Variants in COP1 observed in about 807,000 individuals in gnomAD.
COP1 encodes the protein COP1 E3 ubiquitin ligase.
A neutral mutation model predicts 101.3 loss-of-function variants in COP1; 24 were observed. The ratio of observed to expected loss-of-function variants is 0.24; its 90% confidence interval spans 0.17 to 0.33. The LOEUF is 0.33. Among genes scored for constraint, COP1 ranks in the 10% least tolerant of loss-of-function variants. COP1 has a pLI of 1.00. For missense variants in COP1, 663 were observed against 906.2 expected (o/e 0.73, Z 3.45); for synonymous variants, 347 against 341.9 (o/e 1.01, Z -0.17).
chr1:176,057,617 G>A (rs1228251453), intron 11 of COP1, among the ~76,000 whole-genome samples: 9 of 151,730 alleles, frequency 5.9e-5, no homozygotes, highest in African/African-American at 1.9e-4. Context: ...GATTGCAGAC[G>A]GAGTCTCGTT....
intron 6 of COP1, among the ~76,000 whole-genome samples, chr1:176,141,903 T>C (rs1468423178): frequency 6.6e-6 from 1 of 151,974 alleles, no homozygotes; most frequent in Non-Finnish European, 1.5e-5. Flanking sequence ...ACGAATTTTT[T>C]TTTAATTGTT....
rs1284704012 is a variant in COP1, at chr1:176,206,694, G to A, written c.285C>T (p.Pro95=). The change falls in exon 1 of 20, where the codon CCC becomes CCT. Residue 95 remains proline (P), a synonymous_variant. Transcript: ENST00000367669. ...AGCTGCTGCCTCCTACGCCGGCGCT[G>A]GGCCTGGCCGCGCAGCTGTGCCGGG... ...GLSRHSCAAR[P]SAGVGGSSSS... 2.5e-6 allele frequency: 4 copies of A among 1,604,928 alleles called. No homozygotes were observed. Among genetic ancestry groups the A allele is most frequent in the South Asian group, 1.1e-5 (1 of 90,964 alleles).
chr1:176,083,172 T>C (rs1165555308), intron 10 of COP1, among the ~76,000 whole-genome samples: 5 of 152,234 alleles, frequency 3.3e-5, no homozygotes, highest in Admixed American at 3.3e-4. Flanking sequence ...TGGAATCCTA[T>C]TACTGTGAGT....
At chr1:175,965,261 C>T (rs531075539) in intron 18 of COP1, among the ~76,000 whole-genome samples, 3 of 152,256 alleles carry the variant, frequency 2.0e-5, no homozygotes, top group Non-Finnish European at 4.4e-5. Context: ...ATAAATTTGC[C>T]CTTCTTTTGA....
At position 176,046,198 on chromosome 1, in the gene COP1, G is replaced by C; in HGVS notation, c.1404C>G (p.Thr468=). The change falls in exon 12 of 20, where the codon ACC becomes ACG. Residue 468 remains threonine, a synonymous_variant. Coordinates refer to ENST00000367669, the MANE Select transcript of COP1 (RefSeq NM_022457.7). The part of the protein sequence containing the change: ...VDIHYPENEM[T]CNSKISCISW... ...GTAAATACCTGATTTTCGAATTGCA[G>C]GTCATTTCATTCTCAGGGTAATGAA... 1.2e-6 allele frequency: 2 copies of C among 1,603,740 alleles called. No homozygotes were observed. Among genetic ancestry groups the C allele is most frequent in the South Asian group, 1.1e-5 (1 of 88,738 alleles).
At chr1:176,024,375 G>A (rs1006299062) in intron 15 of COP1, among the ~76,000 whole-genome samples, 1 of 152,104 alleles carries the variant, frequency 6.6e-6, no homozygotes, top group Non-Finnish European at 1.5e-5. Flanking sequence ...TATAGTATGG[G>A]ACATCAACCT....
At chr1:176,046,517 A>G (rs1671543877) in intron 11 of COP1, among the ~76,000 whole-genome samples, 193 bp from the exon 12 acceptor site, 2 of 152,170 alleles carry the variant, frequency 1.3e-5, no homozygotes, top group South Asian at 4.1e-4. Context: ...AACTTTTAAT[A>G]TATACATTTG....
chr1:176,127,488 G>C (rs2149679704), intron 8 of COP1, among the ~76,000 whole-genome samples: 1 of 151,860 alleles, frequency 6.6e-6, no homozygotes, highest in Non-Finnish European at 1.5e-5. Context: ...TTAACATAAT[G>C]TCATCTAGGT....
intron 14 of COP1, among the ~76,000 whole-genome samples, chr1:176,034,393 G>C (rs1031028684): frequency 6.6e-6 from 1 of 152,122 alleles, no homozygotes; most frequent in African/African-American, 2.4e-5. Flanking sequence ...CTAATACTCA[G>C]AGTAAAACTC....
At chr1:176,073,195 T>C (rs1342618947) in intron 11 of COP1, among the ~76,000 whole-genome samples, 1 of 152,194 alleles carries the variant, frequency 6.6e-6, no homozygotes, top group East Asian at 1.9e-4. Flanking sequence ...AGGGAATTGA[T>C]GTAAAATATT....
At chr1:176,002,633 T>G (rs1215006763) in intron 15 of COP1, among the ~76,000 whole-genome samples, 1 of 148,846 alleles carries the variant, frequency 6.7e-6, no homozygotes, top group Non-Finnish European at 1.5e-5. Flanking sequence ...TGTGATAGTT[T>G]ACTGAGAATG....
At chr1:175,966,166 A>T (rs1485396667) in intron 18 of COP1, among the ~76,000 whole-genome samples, 1 of 152,160 alleles carries the variant, frequency 6.6e-6, no homozygotes, top group African/African-American at 2.4e-5. Flanking sequence ...ACAAAACTAC[A>T]ATCTATCAAT....
chr1:176,018,320 CTT>C (rs1666044672), intron 15 of COP1: 1 of 152,238 alleles, frequency 6.6e-6, no homozygotes, highest in African/African-American at 2.4e-5. Flanking sequence ...TTTTTAAAAA[CTT>C]AATACAATTT....
At chr1:176,155,260 T>A (rs1693273346) in intron 5 of COP1, among the ~76,000 whole-genome samples, 1 of 152,098 alleles carries the variant, frequency 6.6e-6, no homozygotes, top group Admixed American at 6.6e-5. Context: ...AAGCCCCAGT[T>A]AAGCTGAATT....
rs997425383 is a variant in COP1, at chr1:176,064,201, T to A, written c.1277+16951A>T. On this transcript the variant is annotated intron_variant, in intron 11 of 19. Coordinates refer to ENST00000367669, the MANE Select transcript of COP1 (RefSeq NM_022457.7). ...CTCAATCAAAATGACCTTCCTTGCA[T>A]AAAAACAAACCCAATGTAAAGTTTG... Among the ~76,000 whole-genome samples, 5 of 152,224 alleles carry A rather than the reference T, an allele frequency of 3.3e-5. No individual in the cohort carries two copies. The East Asian group carries it at 9.6e-4, about 29-fold the overall frequency.
At chr1:176,010,641 GC>G (rs1664497505) in intron 15 of COP1, among the ~76,000 whole-genome samples, 1 of 152,182 alleles carries the variant, frequency 6.6e-6, no homozygotes, top group Non-Finnish European at 1.5e-5. Flanking sequence ...CAATGGTGAT[GC>G]CAAATTTGAT....
chr1:176,085,534 C>T (rs943974989), intron 10 of COP1, among the ~76,000 whole-genome samples: 1 of 152,154 alleles, frequency 6.6e-6, no homozygotes, highest in South Asian at 2.1e-4. Context: ...AGCTGAATTT[C>T]TTTTTAACTT....
chr1:176,091,070 A>G (rs1288483255), intron 9 of COP1, among the ~76,000 whole-genome samples: 2 of 152,216 alleles, frequency 1.3e-5, no homozygotes, highest in Non-Finnish European at 2.9e-5. Context: ...AAGAAGCTAG[A>G]GCAAAAAGGA....
At chr1:176,086,364 T>G (rs1338203739) in intron 9 of COP1, among the ~76,000 whole-genome samples, 1 of 151,820 alleles carries the variant, frequency 6.6e-6, no homozygotes, top group Non-Finnish European at 1.5e-5. Context: ...TAGCTGGGAC[T>G]ACAGCCGCCC....
Sources: allele counts gnomAD v4.1 joint callset (sites outside exome capture counted in the v4.1 genomes callset), GRCh38; gene constraint gnomAD v4.1.1; transcripts MANE v1.5; gene names NCBI Gene and HGNC (gene_info 2026-07-23, HGNC 2026-07-21).